Variants in CDH12 observed in about 807,000 individuals in gnomAD.
CDH12 encodes the protein cadherin 12.
Under a neutral mutation model 74.1 loss-of-function variants are expected in CDH12, and 41 were observed. The observed-to-expected ratio is 0.55, with a 90% CI of 0.43 to 0.72. The LOEUF is 0.72. Among genes scored for constraint, CDH12 ranks in the 30% least tolerant of loss-of-function variants. The probability of loss-of-function intolerance (pLI) is 0.00; values close to 1 mark genes in which losing one functional copy is unlikely to be tolerated. For synonymous variants in CDH12, 399 were observed against 355.0 expected, an observed-to-expected ratio of 1.12 and a Z score of -1.39; for missense variants, 945 against 977.2, an observed-to-expected ratio of 0.97 and a Z score of 0.44.
chr5:22,034,519 G>A (rs1469258565), intron 5 of CDH12, among the ~76,000 whole-genome samples: 3 of 152,072 alleles, frequency 2.0e-5, no homozygotes, highest in Non-Finnish European at 2.9e-5. Context: ...GCCTTGCAGC[G>A]AAGATCCCAC....
intron 9 of CDH12, among the ~76,000 whole-genome samples, chr5:21,808,544 C>G (rs193232684): frequency 1.3e-5 from 2 of 151,996 alleles, no homozygotes; most frequent in Admixed American, 1.3e-4. Context: ...AGACTAGATT[C>G]TTTCTAAGAC....
chr5:22,271,302 T>A (rs1283467810), intron 3 of CDH12, among the ~76,000 whole-genome samples: 1 of 152,226 alleles, frequency 6.6e-6, no homozygotes, highest in Admixed American at 6.5e-5. Flanking sequence ...AATTCCTATT[T>A]ATTAAAGCTT....
chr5:22,158,906 A>T (rs1484597707), intron 4 of CDH12, among the ~76,000 whole-genome samples: 1 of 152,134 alleles, frequency 6.6e-6, no homozygotes, highest in African/African-American at 2.4e-5. Flanking sequence ...GTGTCCCTTC[A>T]GCTTTGAAAT....
intron 1 of CDH12, among the ~76,000 whole-genome samples, chr5:22,786,580 A>G (rs1747636116): frequency 6.6e-6 from 1 of 152,156 alleles, no homozygotes; most frequent in Admixed American, 6.5e-5. Flanking sequence ...GGGTAGAAAC[A>G]TGGCACATGT....
intron 8 of CDH12, among the ~76,000 whole-genome samples, chr5:21,836,583 A>G (rs962398151): frequency 6.6e-6 from 1 of 151,494 alleles, no homozygotes; most frequent in African/African-American, 2.4e-5. Flanking sequence ...TTGTTTTCCT[A>G]TTTCTTACAA....
rs866693998 is a variant in CDH12, at chr5:21,935,854, T to A, written c.526+39237A>T. ...AGTGAGAGCATCCGAAGTTTGTCTT[T>A]CTGTGCCTGGCTTGTTTCACTTAAC... On this transcript the variant is annotated intron_variant, in intron 6 of 14. Transcript: ENST00000382254. Among the ~76,000 whole-genome samples the A allele has an allele frequency of 3.3e-5, 5 of 152,328 alleles. No individual in the cohort carries two copies. In the South Asian group the frequency reaches 6.2e-4, roughly 19 times the overall value.
intron 3 of CDH12, among the ~76,000 whole-genome samples, chr5:22,348,863 G>C (rs904639159): frequency 6.6e-5 from 10 of 152,184 alleles, no homozygotes; most frequent in African/African-American, 2.4e-4. Context: ...GCAATACAGG[G>C]AGTGTAGTTA....
intron 1 of CDH12, among the ~76,000 whole-genome samples, chr5:22,579,905 G>A (rs187467387): frequency 2.6e-5 from 4 of 152,160 alleles, no homozygotes; most frequent in East Asian, 1.9e-4. Context: ...TGAGCTCTTC[G>A]AAGAGGCTGA....
intron 4 of CDH12, among the ~76,000 whole-genome samples, chr5:22,088,109 C>T (rs1743185859): frequency 6.6e-6 from 1 of 152,100 alleles, no homozygotes; most frequent in Non-Finnish European, 1.5e-5. Flanking sequence ...GGATGCAATG[C>T]TTCTGGAATG....
chr5:22,384,315 G>A (rs1393136004), intron 3 of CDH12, among the ~76,000 whole-genome samples: 2 of 151,288 alleles, frequency 1.3e-5, no homozygotes, highest in African/African-American at 2.4e-5. Context: ...ACGAGGTCAG[G>A]AGATTGAGAC....
chr5:21,942,717 T>C lies in CDH12; in HGVS notation c.526+32374A>G, dbSNP rs1218820480. Reference sequence around the variant, plus strand: ...GCTGGCAATGGAATTCTCATTTCTATGTGTCTTTTCTGTGGAGGTTTAAGT... The same window carrying C: ...GCTGGCAATGGAATTCTCATTTCTACGTGTCTTTTCTGTGGAGGTTTAAGT... On this transcript the variant is annotated intron_variant, in intron 6 of 14. Coordinates refer to ENST00000382254, the MANE Select transcript of CDH12 (RefSeq NM_004061.5). 2.0e-5 allele frequency among the ~76,000 whole-genome samples: 3 copies of C among 152,242 alleles called. No homozygotes were observed. The East Asian group carries it at 5.8e-4, about 29-fold the overall frequency.
chr5:22,766,306 G>C (rs1490226257), intron 1 of CDH12, among the ~76,000 whole-genome samples: 1 of 151,914 alleles, frequency 6.6e-6, no homozygotes, highest in Non-Finnish European at 1.5e-5. Context: ...ACATGCATAA[G>C]AACTTTTCTC....
Position 22,142,376 on chromosome 5 carries a change from C to T in CDH12, c.-186-63514G>A, listed in dbSNP as rs1746857544. 1.8e-4 allele frequency: 88 copies of T among 477,648 alleles called. 1 individual carries two copies. Among genetic ancestry groups the T allele is most frequent in the South Asian group, 1.5e-3 (87 of 56,280 alleles). The allele number at this position is 477,648 out of a possible 1,614,324, so 29.6% of individuals were successfully genotyped here. A position where few individuals can be genotyped will look rare whatever the true frequency, so the allele number is the denominator to read the frequency against. ...AGGGTAGTAGAACAATGGGATTATG[C>T]TGTCACAAAAACCAAAGAAAAAACA... On this transcript the variant is annotated intron_variant, in intron 4 of 14. Transcript: ENST00000382254.
intron 5 of CDH12, among the ~76,000 whole-genome samples, chr5:22,025,046 A>T (rs970807080): frequency 6.6e-5 from 10 of 152,174 alleles, no homozygotes; most frequent in Admixed American, 6.6e-4. Context: ...CTTTACTATG[A>T]TGCCTAATAA....
intron 4 of CDH12, chr5:22,151,939 C>T (rs1747610187): frequency 6.6e-6 from 1 of 151,924 alleles, no homozygotes; most frequent in Non-Finnish European, 1.5e-5. Context: ...ACCACCTTCA[C>T]TTGTTGAGAA....
chr5:22,600,437 T>G (rs776472175), intron 1 of CDH12, among the ~76,000 whole-genome samples: 6 of 152,280 alleles, frequency 3.9e-5, no homozygotes, highest in Admixed American at 1.3e-4. Flanking sequence ...TATGTGTATT[T>G]ATTACATTTT....
chr5:22,330,714 G>A (rs994532886), intron 3 of CDH12, among the ~76,000 whole-genome samples: 2 of 137,092 alleles, frequency 1.5e-5, no homozygotes, highest in African/African-American at 2.8e-5. Flanking sequence ...TCAGGCCACT[G>A]CACTCCAGCC....
chr5:22,702,406 A>G lies in CDH12; in HGVS notation c.-523+150652T>C, dbSNP rs143721887. Among the ~76,000 whole-genome samples the G allele has an allele frequency of 2.8e-3, 422 of 152,130 alleles. 1 individual carries two copies. Among genetic ancestry groups the G allele is most frequent in the Non-Finnish European group, 2.9e-3 (199 of 67,960 alleles). The stretch of plus-strand genomic sequence containing the variant: ...ATCAGATTGTAATCCCTGCTTTGTT[A>G]TGGTCAAGTTTTTCTGCTGCTCAGC... On this transcript the variant is annotated intron_variant, in intron 1 of 14. Transcript: ENST00000382254.
intron 1 of CDH12, among the ~76,000 whole-genome samples, chr5:22,574,263 A>C (rs535728924): frequency 6.6e-6 from 1 of 151,842 alleles, no homozygotes; most frequent in East Asian, 1.9e-4. Flanking sequence ...TATTTCTAGT[A>C]GAGACGGGGT....
Sources: allele counts gnomAD v4.1 joint callset (sites outside exome capture counted in the v4.1 genomes callset), GRCh38; gene constraint gnomAD v4.1.1; transcripts MANE v1.5; gene names NCBI Gene and HGNC (gene_info 2026-07-23, HGNC 2026-07-21).